The following NEGR1 variants were observed in gnomAD, a reference collection of about 807,000 sequenced individuals.
NEGR1 encodes neuronal growth regulator 1, also known as IgLON family member 4.
NEGR1 carries 10 observed loss-of-function variants against 40.9 expected under a neutral mutation model. The ratio of observed to expected loss-of-function variants is 0.24; its 90% confidence interval spans 0.15 to 0.42. NEGR1 has a LOEUF of 0.42. Among genes scored for constraint, NEGR1 ranks in the 10% least tolerant of loss-of-function variants. The probability of loss-of-function intolerance (pLI) is 1.00; values close to 1 mark genes in which losing one functional copy is unlikely to be tolerated. For missense variants in NEGR1, 352 were observed against 438.9 expected (o/e 0.80, Z 1.77); for synonymous variants, 185 against 166.8 (o/e 1.11, Z -0.84).
intron 1 of NEGR1, among the ~76,000 whole-genome samples, chr1:72,085,650 C>T (rs958519629): frequency 1.3e-5 from 2 of 152,016 alleles, no homozygotes; most frequent in Admixed American, 1.3e-4. Context: ...ATTAGTATTT[C>T]GCTCTTAAAA....
chr1:72,131,198 C>T (rs372172415), intron 1 of NEGR1, among the ~76,000 whole-genome samples: 2 of 152,190 alleles, frequency 1.3e-5, no homozygotes, highest in South Asian at 4.1e-4. Context: ...TAGAAACCAC[C>T]CGCTGCAGGT....
intron 1 of NEGR1, among the ~76,000 whole-genome samples, chr1:71,950,016 A>G (rs994311455): frequency 2.0e-5 from 3 of 152,118 alleles, no homozygotes; most frequent in Non-Finnish European, 4.4e-5. Flanking sequence ...ACATAAGTTA[A>G]CAAATATTTT....
intron 1 of NEGR1, among the ~76,000 whole-genome samples, chr1:72,007,665 A>T (rs1646619856): frequency 6.6e-6 from 1 of 152,122 alleles, no homozygotes; most frequent in African/African-American, 2.4e-5. Context: ...TGAACTAGTT[A>T]AAAAAAATCA....
intron 3 of NEGR1, among the ~76,000 whole-genome samples, chr1:71,773,283 TACAAAA>T (rs1246277031): frequency 6.6e-6 from 1 of 152,222 alleles, no homozygotes; most frequent in African/African-American, 2.4e-5. Flanking sequence ...ATCAGACACA[TACAAAA>T]ACTAGCCATT....
At chr1:72,168,362 T>A (rs1651842561) in intron 1 of NEGR1, among the ~76,000 whole-genome samples, 1 of 152,068 alleles carries the variant, frequency 6.6e-6, no homozygotes, top group African/African-American at 2.4e-5. Flanking sequence ...TCCTTTTTTT[T>A]TCACTCCCCC....
chr1:72,258,971 A>T (rs559404875), intron 1 of NEGR1, among the ~76,000 whole-genome samples: 1 of 152,242 alleles, frequency 6.6e-6, no homozygotes, highest in African/African-American at 2.4e-5. Flanking sequence ...AGGAAGAAAA[A>T]AGTATGGAAG....
chr1:72,133,613 T>TA (rs1650338243), intron 1 of NEGR1, among the ~76,000 whole-genome samples: 1 of 152,002 alleles, frequency 6.6e-6, no homozygotes, highest in East Asian at 1.9e-4. Flanking sequence ...ATATTTGAAC[T>TA]AAAATCAATG....
At chr1:71,848,235 T>C (rs1438751956) in intron 2 of NEGR1, among the ~76,000 whole-genome samples, 1 of 152,186 alleles carries the variant, frequency 6.6e-6, no homozygotes, top group Admixed American at 6.5e-5. Context: ...AGTGCTAATG[T>C]AGAAGCTGCA....
chr1:71,508,688 C>A (rs1241814116), intron 6 of NEGR1, among the ~76,000 whole-genome samples: 2 of 152,186 alleles, frequency 1.3e-5, no homozygotes, highest in African/African-American at 4.8e-5. Context: ...CCTGCCGCAG[C>A]TGAGATAATG....
At chr1:71,535,992 T>C (rs1249415922) in intron 6 of NEGR1, among the ~76,000 whole-genome samples, 1 of 151,690 alleles carries the variant, frequency 6.6e-6, no homozygotes, top group Non-Finnish European at 1.5e-5. Flanking sequence ...TGAGTAAATG[T>C]AGTTATTTCT....
intron 1 of NEGR1, among the ~76,000 whole-genome samples, chr1:71,975,252 T>C (rs1472940026): frequency 6.6e-6 from 1 of 152,176 alleles, no homozygotes; most frequent in Non-Finnish European, 1.5e-5. Flanking sequence ...AGGTGGGGCA[T>C]TGATAGTGGC....
intron 2 of NEGR1, among the ~76,000 whole-genome samples, chr1:71,812,212 G>A (rs1352285051): frequency 6.6e-6 from 1 of 152,002 alleles, no homozygotes; most frequent in Non-Finnish European, 1.5e-5. Flanking sequence ...CCATGCCCCT[G>A]CAAAGGACAT....
intron 6 of NEGR1, among the ~76,000 whole-genome samples, chr1:71,586,658 A>T (rs1403018035): frequency 6.6e-6 from 1 of 152,144 alleles, no homozygotes; most frequent in African/African-American, 2.4e-5. Flanking sequence ...CCTGCTGGTT[A>T]TCGTCTCTCC....
chr1:72,250,873 C>G (rs1308562049), intron 1 of NEGR1, among the ~76,000 whole-genome samples: 1 of 152,178 alleles, frequency 6.6e-6, no homozygotes, highest in East Asian at 1.9e-4. Context: ...CAGCTCACCC[C>G]CACTGGGAAA....
At chr1:71,843,665 G>T (rs1321134740) in intron 2 of NEGR1, among the ~76,000 whole-genome samples, 8 of 152,098 alleles carry the variant, frequency 5.3e-5, no homozygotes, top group Non-Finnish European at 1.0e-4. Flanking sequence ...TTTTAAAGAT[G>T]AAATGAGAAG....
chr1:71,786,345 T>G (rs1280330042), intron 2 of NEGR1, among the ~76,000 whole-genome samples: 1 of 152,154 alleles, frequency 6.6e-6, no homozygotes, highest in Non-Finnish European at 1.5e-5. Flanking sequence ...CACCAGGGAA[T>G]TGGTGCTGAA....
chr1:72,109,916 T>C (rs144992942), intron 1 of NEGR1, among the ~76,000 whole-genome samples: 7 of 151,680 alleles, frequency 4.6e-5, no homozygotes, highest in Non-Finnish European at 8.9e-5. Flanking sequence ...CTTACTCAGT[T>C]TGTTCCCCCC....
At position 71,875,081 on chromosome 1, in the gene NEGR1, A is replaced by G. The variant is rs149580035; in HGVS notation, c.409+59998T>C. 6.1e-3 allele frequency among the ~76,000 whole-genome samples: 923 copies of G among 152,222 alleles called. 23 individuals carry two copies. Among genetic ancestry groups the G allele is most frequent in the East Asian group, 0.048 (248 of 5,174 alleles). ...AGGCTGGTCTCAAAATCCTAGGCTCAAGCAATCAGCCCATCTCAGCCTTTC... is the reference window on the plus strand; with the variant it reads ...AGGCTGGTCTCAAAATCCTAGGCTCGAGCAATCAGCCCATCTCAGCCTTTC... On this transcript the variant is annotated intron_variant, in intron 2 of 6. Transcript: ENST00000357731.
At chr1:71,776,759 G>A (rs1656526314) in intron 2 of NEGR1, among the ~76,000 whole-genome samples, 1 of 152,042 alleles carries the variant, frequency 6.6e-6, no homozygotes, top group African/African-American at 2.4e-5. Context: ...TACATGATTG[G>A]GAGGTAAGAT....
Sources: gnomAD v4.1 joint callset for allele counts (sites outside exome capture counted in the v4.1 genomes callset) on GRCh38, gnomAD v4.1.1 for gene constraint, MANE v1.5 for transcripts, NCBI Gene and HGNC (gene_info 2026-07-23, HGNC 2026-07-21) for gene names.